Variants in TBC1D30 observed in about 807,000 individuals in gnomAD.
TBC1D30 encodes the protein TBC1 domain family, member 30.
In TBC1D30, 31 loss-of-function variants were observed where a neutral mutation model predicts 63.2. That is an observed-to-expected ratio of 0.49 (90% CI 0.37 to 0.66). The LOEUF is 0.66. Ranked by LOEUF, TBC1D30 falls within the 30% of genes least tolerant of loss-of-function variation. The pLI, the probability that TBC1D30 is intolerant of heterozygous loss-of-function variation, is 0.00. For missense variants in TBC1D30, 810 were observed against 953.6 expected (o/e 0.85, Z 1.98); for synonymous variants, 307 against 361.5 (o/e 0.85, Z 1.71).
At chr12:64,854,146 C>T (rs141601522) in intron 8 of TBC1D30, among the ~76,000 whole-genome samples, 1,844 of 152,054 alleles carry the variant, frequency 0.012, 38 homozygotes, top group African/African-American at 0.042. Context: ...GTTTTGTGGG[C>T]TTCTCTTTCT....
intron 3 of TBC1D30, among the ~76,000 whole-genome samples, chr12:64,828,925 G>A (rs1216757490): frequency 6.6e-6 from 1 of 151,928 alleles, no homozygotes; most frequent in Non-Finnish European, 1.5e-5. Context: ...TACCTGGGAG[G>A]AGATACTCCA....
chr12:64,774,365 A>G (rs780983918), intron 1 of TBC1D30, among the ~76,000 whole-genome samples: 10 of 152,204 alleles, frequency 6.6e-5, no homozygotes, highest in African/African-American at 1.4e-4. Context: ...TGGAAAACAC[A>G]TTTCAGGATA....
intron 9 of TBC1D30, among the ~76,000 whole-genome samples, chr12:64,865,433 A>G (rs1184123211): frequency 1.3e-5 from 2 of 151,986 alleles, no homozygotes; most frequent in Non-Finnish European, 1.5e-5. Flanking sequence ...TTTCTGGGTG[A>G]CCCAAATGGA....
chr12:64,802,768 T>C (rs1432793018), intron 2 of TBC1D30, among the ~76,000 whole-genome samples: 1 of 152,288 alleles, frequency 6.6e-6, no homozygotes, highest in African/African-American at 2.4e-5. Context: ...GTCCTTGTGA[T>C]AGTTTGCTGA....
intron 2 of TBC1D30, chr12:64,818,478 C>A: frequency 1.2e-6 from 1 of 808,860 alleles, no homozygotes; most frequent in Non-Finnish European, 1.5e-6. Flanking sequence ...TGTTGCCAGG[C>A]TGGAATGCTG....
chr12:64,798,633 A>G (rs1015967132), intron 2 of TBC1D30, among the ~76,000 whole-genome samples: 4 of 152,100 alleles, frequency 2.6e-5, no homozygotes, highest in Non-Finnish European at 5.9e-5. Flanking sequence ...CGTTTGCTCA[A>G]TTATGCAACA....
At position 64,825,047 on chromosome 12, in the gene TBC1D30, G is replaced by A. The variant is rs767520298; in HGVS notation, c.154+14G>A. ...CCCTGGAGCCGGGTGAGGACCCCAGGGCTGCAGATGGGGCGCTGTAAAGTA... is the reference window on the plus strand; with the variant it reads ...CCCTGGAGCCGGGTGAGGACCCCAGAGCTGCAGATGGGGCGCTGTAAAGTA... On this transcript the variant is annotated intron_variant, in intron 1 of 11. Transcript: ENST00000539867. 11 of 1,526,226 alleles carry A rather than the reference G, an allele frequency of 7.2e-6. No individual in the cohort carries two copies. The highest frequency in any genetic ancestry group is 9.6e-6 in the Non-Finnish European group (11 of 1,141,978). The allele number at this position is 1,526,226 out of a possible 1,614,324, so 94.5% of individuals were successfully genotyped here. A position where few individuals can be genotyped will look rare whatever the true frequency, so the allele number is the denominator to read the frequency against.
chr12:64,790,983 A>T (rs1172887827), intron 2 of TBC1D30, among the ~76,000 whole-genome samples: 1 of 152,238 alleles, frequency 6.6e-6, no homozygotes, highest in Non-Finnish European at 1.5e-5. Flanking sequence ...AACTTGTACA[A>T]AAATGTTCAT....
At chr12:64,864,518 A>G in intron 8 of TBC1D30, 150 bp from the exon 9 acceptor site, 1 of 533,678 alleles carries the variant, frequency 1.9e-6, no homozygotes, top group Non-Finnish European at 3.3e-6. Flanking sequence ...TTGAAAGCGG[A>G]TGTTGAAGTG....
chr12:64,856,250 A>C (rs1227624333), intron 8 of TBC1D30, among the ~76,000 whole-genome samples: 1 of 152,224 alleles, frequency 6.6e-6, no homozygotes, highest in Admixed American at 6.5e-5. Flanking sequence ...CACCAAGGGA[A>C]TGGCTCAAGC....
Position 64,870,621 on chromosome 12 carries a change from T to A in TBC1D30, c.1311T>A (p.Ser437Arg). ...KQIKEPNEEQ[S>R]LRSNNIAELS... The stretch of plus-strand genomic sequence containing the variant: ...GCGCAGAGCCAAATGAGGAGCAGAG[T>A]CTGAGATCTAATAACATTGCAGAGC... Residue 437 changes from serine (S) to arginine (R), a missense_variant, in exon 11 of 12, where the codon AGT becomes AGA. Ser to Arg is a moderately radical substitution (Grantham distance 110, BLOSUM62 -1). This residue lies in a region of TBC1D30 where 450 missense variants were observed against 473.0 expected (regional missense o/e 0.95). Transcript: ENST00000539867. 1 of 1,536,094 alleles carries A rather than the reference T, an allele frequency of 6.5e-7. No individual in the cohort carries two copies. Among genetic ancestry groups the A allele is most frequent in the African/African-American group, 1.4e-5 (1 of 73,130 alleles).
chr12:64,777,352 G>C (rs1871111991), upstream of TBC1D30, among the ~76,000 whole-genome samples: 1 of 152,172 alleles, frequency 6.6e-6, no homozygotes, highest in Non-Finnish European at 1.5e-5. Context: ...CCTATATCTA[G>C]AAAACTCCAT....
chr12:64,790,047 A>G (rs1871832636), intron 2 of TBC1D30, among the ~76,000 whole-genome samples: 1 of 152,346 alleles, frequency 6.6e-6, no homozygotes, highest in South Asian at 2.1e-4. Flanking sequence ...AGGTATCTCA[A>G]AAGTCCACAC....
intron 7 of TBC1D30, among the ~76,000 whole-genome samples, 171 bp from the exon 8 acceptor site, chr12:64,843,209 G>T (rs530823635): frequency 2.2e-4 from 33 of 152,276 alleles, no homozygotes; most frequent in Non-Finnish European, 3.7e-4. Context: ...GGGTCTTGCT[G>T]CATTGAGGCT....
At chr12:64,845,779 C>T (rs1382915960) in intron 8 of TBC1D30, among the ~76,000 whole-genome samples, 2 of 151,546 alleles carry the variant, frequency 1.3e-5, no homozygotes, top group Admixed American at 6.6e-5. Flanking sequence ...CGTGCCTCAG[C>T]CTCCCGAGTA....
chr12:64,811,972 G>C (rs908804941), intron 2 of TBC1D30, among the ~76,000 whole-genome samples: 7 of 152,204 alleles, frequency 4.6e-5, no homozygotes, highest in Non-Finnish European at 7.3e-5. Flanking sequence ...AAGTGAGACA[G>C]ACCTGGGTTC....
intron 8 of TBC1D30, among the ~76,000 whole-genome samples, chr12:64,844,935 A>G (rs1006029016): frequency 2.6e-5 from 4 of 152,202 alleles, no homozygotes; most frequent in Admixed American, 2.0e-4. Context: ...GTTGTTGCAA[A>G]TGACAGAATC....
At chr12:64,813,608 G>A (rs1873349568) in intron 2 of TBC1D30, among the ~76,000 whole-genome samples, 2 of 152,150 alleles carry the variant, frequency 1.3e-5, no homozygotes, top group African/African-American at 4.8e-5. Context: ...ATTTTCACCT[G>A]ATGAGTAGAG....
upstream of TBC1D30, among the ~76,000 whole-genome samples, chr12:64,819,923 A>G (rs1368607445): frequency 1.3e-5 from 2 of 152,022 alleles, no homozygotes; most frequent in African/African-American, 4.8e-5. Context: ...GCCGAATGGG[A>G]GACAGCACTA....
Sources: allele counts gnomAD v4.1 joint callset (sites outside exome capture counted in the v4.1 genomes callset), GRCh38; gene constraint gnomAD v4.1.1; regional missense constraint gnomAD v4.1.1; transcripts MANE v1.5; gene names NCBI Gene and HGNC (gene_info 2026-07-23, HGNC 2026-07-21).